Variants in KCNJ6 observed in about 807,000 individuals in gnomAD.
KCNJ6 encodes the protein potassium inwardly rectifying channel subfamily J member 6.
Under a neutral mutation model 34.2 loss-of-function variants are expected in KCNJ6, and 9 were observed. The ratio of observed to expected loss-of-function variants is 0.26; its 90% CI spans 0.16 to 0.46. The LOEUF (loss-of-function observed/expected upper bound fraction) is 0.46, where lower values mean the gene tolerates loss of function less well. Among genes scored for constraint, KCNJ6 ranks in the 20% least tolerant of loss-of-function variants. The pLI, the probability that KCNJ6 is intolerant of heterozygous loss-of-function variation, is 1.00. For missense variants in KCNJ6, 236 were observed against 531.3 expected (o/e 0.44, Z 5.46); for synonymous variants, 196 against 207.1 (o/e 0.95, Z 0.46).
chr21:37,696,387 G>A (rs2054663564), intron 3 of KCNJ6, among the ~76,000 whole-genome samples: 1 of 151,994 alleles, frequency 6.6e-6, no homozygotes, highest in Admixed American at 6.6e-5. Flanking sequence ...GCACTGGGAG[G>A]GACACAGCAC....
intron 2 of KCNJ6, among the ~76,000 whole-genome samples, chr21:37,723,160 A>C (rs567990426): frequency 4.7e-4 from 72 of 152,350 alleles, no homozygotes; most frequent in Non-Finnish European, 8.5e-4. Flanking sequence ...AGTGGTCAAC[A>C]AACATATGAA....
intron 1 of KCNJ6, among the ~76,000 whole-genome samples, chr21:37,858,859 C>T (rs1158200186): frequency 2.6e-5 from 4 of 151,908 alleles, no homozygotes; most frequent in Non-Finnish European, 4.4e-5. Flanking sequence ...GGAATAACAG[C>T]GTAACCAATT....
chr21:37,914,475 C>A (rs897995528), intron 1 of KCNJ6, among the ~76,000 whole-genome samples: 3 of 152,166 alleles, frequency 2.0e-5, no homozygotes, highest in South Asian at 2.1e-4. Flanking sequence ...CCCTCTCGAG[C>A]GTCGCCGTCA....
In KCNJ6 at chr21:37,615,241, A is replaced by ATTTTTTTTT. The variant is rs2054262036; in HGVS notation, c.*9917_*9918insAAAAAAAAA. ...CAGACCCTCGACTGACATTCCCAGC[A>ATTTTTTTTT]TTCTTTTTTTTTTTTTTTTTTTTTT... On this transcript the variant is annotated 3_prime_UTR_variant, in exon 4 of 4. Coordinates refer to ENST00000609713, the MANE Select transcript of KCNJ6 (RefSeq NM_002240.5). 2.7e-5 allele frequency: 3 copies of ATTTTTTTTT among 111,856 alleles called. No individual in the cohort carries two copies. The highest frequency in any genetic ancestry group is 3.8e-5 in the African/African-American group (1 of 26,214). The allele number at this position is 111,856 out of a possible 1,614,324, so 6.9% of individuals were successfully genotyped here. A position where few individuals can be genotyped will look rare whatever the true frequency, so the allele number is the denominator to read the frequency against.
intron 3 of KCNJ6, among the ~76,000 whole-genome samples, chr21:37,665,765 CTGT>C (rs1359066566): frequency 2.0e-5 from 3 of 152,242 alleles, no homozygotes; most frequent in African/African-American, 7.2e-5. Context: ...AGCGTTGCTG[CTGT>C]TTAGTAATTC....
chr21:37,841,705 CATCAT>C (rs766552341), intron 1 of KCNJ6, among the ~76,000 whole-genome samples: 39 of 152,168 alleles, frequency 2.6e-4, no homozygotes, highest in Non-Finnish European at 4.9e-4. Context: ...TTTCACTTAA[CATCAT>C]ATCATGTATC....
intron 2 of KCNJ6, among the ~76,000 whole-genome samples, chr21:37,792,976 C>T (rs1303510674): frequency 6.6e-6 from 1 of 152,110 alleles, no homozygotes; most frequent in Non-Finnish European, 1.5e-5. Context: ...TGAGGCCCCT[C>T]CTCTAAAGAT....
chr21:37,735,574 A>T (rs2054908471), intron 2 of KCNJ6, among the ~76,000 whole-genome samples: 1 of 152,216 alleles, frequency 6.6e-6, no homozygotes, highest in Admixed American at 6.5e-5. Context: ...GGGCCAGTGT[A>T]GTATCCACAT....
chr21:37,720,534 G>A (rs1311497641), intron 2 of KCNJ6, among the ~76,000 whole-genome samples: 3 of 152,154 alleles, frequency 2.0e-5, no homozygotes, highest in Non-Finnish European at 4.4e-5. Context: ...CCTGGGGGCT[G>A]GGGGCGCTGT....
At chr21:37,896,306 C>T (rs2055787844) in intron 1 of KCNJ6, among the ~76,000 whole-genome samples, 1 of 152,208 alleles carries the variant, frequency 6.6e-6, no homozygotes, top group South Asian at 2.1e-4. Context: ...GATTACAACT[C>T]AACATGAGAT....
At chr21:37,857,589 AAACCTCT>A (rs1346567321) in intron 1 of KCNJ6, among the ~76,000 whole-genome samples, 1 of 152,220 alleles carries the variant, frequency 6.6e-6, no homozygotes, top group African/African-American at 2.4e-5. Flanking sequence ...TGTAAGGACT[AAACCTCT>A]GACAAAGCCC....
At chr21:37,766,423 A>T (rs913661642) in intron 2 of KCNJ6, among the ~76,000 whole-genome samples, 1 of 152,166 alleles carries the variant, frequency 6.6e-6, no homozygotes, top group African/African-American at 2.4e-5. Flanking sequence ...GTAACTGCCT[A>T]GAGTTTTGGC....
intron 2 of KCNJ6, among the ~76,000 whole-genome samples, chr21:37,815,689 A>G (rs2835981): frequency 0.68 from 103,181 of 152,072 alleles, 35,884 homozygotes; most frequent in South Asian, 0.8. Flanking sequence ...GTGGAGCAGA[A>G]AGAACCCCTC....
At chr21:37,904,328 T>C (rs559333798) in intron 1 of KCNJ6, among the ~76,000 whole-genome samples, 1 of 152,324 alleles carries the variant, frequency 6.6e-6, no homozygotes, top group East Asian at 1.9e-4. Context: ...AGACTCAGCC[T>C]TGCTAACTTA....
intron 2 of KCNJ6, among the ~76,000 whole-genome samples, chr21:37,810,832 G>A (rs1459738122): frequency 6.6e-6 from 1 of 152,134 alleles, no homozygotes; most frequent in East Asian, 1.9e-4. Context: ...GTAATTTCCT[G>A]AGCAATAGCG....
At chr21:37,880,371 C>T (rs545375363) in intron 1 of KCNJ6, among the ~76,000 whole-genome samples, 4 of 152,352 alleles carry the variant, frequency 2.6e-5, no homozygotes, top group African/African-American at 9.6e-5. Context: ...GGAATTTAGT[C>T]CTGGTTTGGG....
At chr21:37,757,989 T>C (rs1382089900) in intron 2 of KCNJ6, among the ~76,000 whole-genome samples, 5 of 152,238 alleles carry the variant, frequency 3.3e-5, no homozygotes, top group Admixed American at 6.5e-5. Context: ...CTCCTGCGAA[T>C]GGCTTCCTGG....
At chr21:37,810,075 A>G (rs2055315001) in intron 2 of KCNJ6, among the ~76,000 whole-genome samples, 1 of 152,212 alleles carries the variant, frequency 6.6e-6, no homozygotes, top group African/African-American at 2.4e-5. Context: ...CAGAAATAAC[A>G]ATGTAACATT....
intron 3 of KCNJ6, among the ~76,000 whole-genome samples, chr21:37,646,872 CA>C (rs1157688561): frequency 6.6e-6 from 1 of 152,050 alleles, no homozygotes; most frequent in East Asian, 1.9e-4. Context: ...CGGGGTTTCA[CA>C]CGTGTTAGCC....
Sources: allele counts gnomAD v4.1 joint callset (sites outside exome capture counted in the v4.1 genomes callset), GRCh38; gene constraint gnomAD v4.1.1; transcripts MANE v1.5; gene names NCBI Gene and HGNC (gene_info 2026-07-23, HGNC 2026-07-21).